PLA2R1: variants seen among roughly 807,000 people sequenced by gnomAD.
PLA2R1 encodes the protein secretory phospholipase A2 receptor.
Under a neutral mutation model 195.9 loss-of-function variants are expected in PLA2R1, and 158 were observed. The observed-to-expected ratio is 0.81, with a 90% confidence interval of 0.71 to 0.92. The LOEUF (loss-of-function observed/expected upper bound fraction) is 0.92. Among genes scored for constraint, PLA2R1 ranks in the 40% least tolerant of loss-of-function variants. PLA2R1 has a pLI of 0.00. For missense variants in PLA2R1, 1,626 were observed against 1,764.6 expected, an observed-to-expected ratio of 0.92 and a Z score of 1.41; for synonymous variants, 586 against 598.2, an observed-to-expected ratio of 0.98 and a Z score of 0.30.
At chr2:159,954,954 A>ATAG (rs898528959) in intron 23 of PLA2R1, among the ~76,000 whole-genome samples, 2 of 152,238 alleles carry the variant, frequency 1.3e-5, no homozygotes, top group Non-Finnish European at 2.9e-5. Flanking sequence ...AATATGACTA[A>ATAG]GATAGATACA....
At chr2:160,022,919 C>A (rs949393856) in intron 6 of PLA2R1, 60 bp from the exon 7 acceptor site, 36 of 1,181,820 alleles carry the variant, frequency 3.0e-5, no homozygotes, top group Non-Finnish European at 3.8e-5. Flanking sequence ...TTACTTATTA[C>A]AGCTTATGTA....
chr2:160,056,277 T>A (rs965933954), intron 1 of PLA2R1, among the ~76,000 whole-genome samples: 15 of 152,358 alleles, frequency 9.8e-5, no homozygotes, highest in African/African-American at 3.6e-4. Flanking sequence ...GTTATACATA[T>A]GTAGACCTAT....
At chr2:160,014,754 C>A (rs115264291) in intron 9 of PLA2R1, among the ~76,000 whole-genome samples, 203 of 152,272 alleles carry the variant, frequency 1.3e-3, no homozygotes, top group African/African-American at 4.7e-3. Flanking sequence ...GGAGCTCCCA[C>A]ATCCAGCCAT....
At chr2:159,930,134 C>T (rs1018498505), downstream of PLA2R1, among the ~76,000 whole-genome samples, 51 of 152,214 alleles carry the variant, frequency 3.4e-4, no homozygotes, top group African/African-American at 1.2e-3. Flanking sequence ...GGTGGCCAGG[C>T]GCGGTGGCTC....
intron 11 of PLA2R1, among the ~76,000 whole-genome samples, chr2:159,995,541 G>C (rs1192954657): frequency 6.6e-6 from 1 of 151,788 alleles, no homozygotes; most frequent in African/African-American, 2.4e-5. Flanking sequence ...TTGCAGTATA[G>C]TGTGACATGG....
intron 2 of PLA2R1, among the ~76,000 whole-genome samples, chr2:160,043,392 C>T (rs569059109): frequency 6.6e-5 from 10 of 152,132 alleles, no homozygotes; most frequent in East Asian, 1.9e-4. Flanking sequence ...TTGCAATACT[C>T]GGCCATTCTT....
At chr2:159,980,418 T>G (rs1327817440) in intron 13 of PLA2R1, among the ~76,000 whole-genome samples, 1 of 152,240 alleles carries the variant, frequency 6.6e-6, no homozygotes, top group Non-Finnish European at 1.5e-5. Flanking sequence ...GTTTGCTACT[T>G]CACTATACTA....
chr2:159,977,768 T>C, intron 14 of PLA2R1, among the ~76,000 whole-genome samples: 1 of 151,880 alleles, frequency 6.6e-6, no homozygotes, highest in East Asian at 1.9e-4. Flanking sequence ...AAACCCCATC[T>C]CTACTAAAAA....
intron 11 of PLA2R1, among the ~76,000 whole-genome samples, chr2:160,004,231 G>A (rs1306402330): frequency 6.6e-6 from 1 of 152,196 alleles, no homozygotes; most frequent in Non-Finnish European, 1.5e-5. Context: ...AAAAATACCT[G>A]CTGTTAATTG....
intron 3 of PLA2R1, among the ~76,000 whole-genome samples, chr2:160,033,661 A>G (rs893814819): frequency 2.6e-5 from 4 of 152,232 alleles, no homozygotes; most frequent in Non-Finnish European, 5.9e-5. Context: ...AAGTTCTTTC[A>G]GCCAAGAGGA....
At chr2:159,945,279 T>C (rs974504929) in intron 27 of PLA2R1, among the ~76,000 whole-genome samples, 197 bp from the exon 28 acceptor site, 1 of 152,198 alleles carries the variant, frequency 6.6e-6, no homozygotes, top group African/African-American at 2.4e-5. Context: ...ACATGTGACA[T>C]GCTGGTGCGC....
At position 159,937,978 on chromosome 2, in the gene PLA2R1, T is replaced by C. The variant is rs1024940143; in HGVS notation, c.*3800A>G. 1 of 152,252 alleles carries C rather than the reference T, an allele frequency of 6.6e-6. No homozygotes were observed. 9.4% of individuals were successfully genotyped at this position (152,252 alleles called of 1,614,324 possible). A position where few individuals can be genotyped will look rare whatever the true frequency, so the allele number is the denominator to read the frequency against. ...GAAAGCCATTTCTTTTTCTTTTTCTTTTTAAAGGTAGAGAAAGGCATTTGT... is the reference window on the plus strand; with the variant it reads ...GAAAGCCATTTCTTTTTCTTTTTCTCTTTAAAGGTAGAGAAAGGCATTTGT... On this transcript the variant is annotated 3_prime_UTR_variant, in exon 30 of 30. Coordinates refer to ENST00000283243, the MANE Select transcript of PLA2R1 (RefSeq NM_007366.5).
intron 20 of PLA2R1, among the ~76,000 whole-genome samples, chr2:159,964,668 A>T (rs111227189): frequency 2.0e-5 from 3 of 152,274 alleles, no homozygotes; most frequent in African/African-American, 7.2e-5. Flanking sequence ...CACTGAGCTC[A>T]CTGTGTCATA....
intron 11 of PLA2R1, among the ~76,000 whole-genome samples, chr2:159,995,991 A>G (rs543669346): frequency 1.3e-5 from 2 of 152,082 alleles, no homozygotes; most frequent in African/African-American, 2.4e-5. Flanking sequence ...TCTATCATCT[A>G]TCTGTCATCT....
At chr2:160,029,667 A>T (rs1693739258) in intron 4 of PLA2R1, among the ~76,000 whole-genome samples, 1 of 152,246 alleles carries the variant, frequency 6.6e-6, no homozygotes, top group Non-Finnish European at 1.5e-5. Context: ...TATCAAAATT[A>T]AAGAATTATG....
In PLA2R1 at chr2:160,032,889, G is replaced by A. The variant is rs1281771870; in HGVS notation, c.841+70C>T. The A allele has an allele frequency of 5.5e-6, 6 of 1,094,768 alleles. No individual in the cohort carries two copies. In the African/African-American group the frequency reaches 9.8e-5, roughly 18 times the overall value. The allele number at this position is 1,094,768 out of a possible 1,614,324, so 67.8% of individuals were successfully genotyped here. ...GAACTTTTTGTCAGAATATATTTTT[G>A]TATATGTGAAAACAGTTAACAACCA... On this transcript the variant is annotated intron_variant, in intron 4 of 29. Transcript: ENST00000283243.
Position 159,933,123 on chromosome 2 carries a change from C to T in PLA2R1, c.*8655G>A, listed in dbSNP as rs939688243. 1 of 151,990 alleles carries T rather than the reference C, an allele frequency of 6.6e-6. No individual in the cohort carries two copies. The highest frequency in any genetic ancestry group is 1.5e-5 in the Non-Finnish European group (1 of 67,994). The allele number at this position is 151,990 out of a possible 1,614,324, so 9.4% of individuals were successfully genotyped here. On this transcript the variant is annotated 3_prime_UTR_variant, in exon 30 of 30. Transcript: ENST00000283243. ...ACTTCATGGTGTGAAGAAAACAGCA[C>T]TTGAATGATTTTTTCCCTTAATTTG... is the stretch of plus-strand genomic sequence containing the variant.
chr2:160,007,285 G>A (rs1012091582), intron 10 of PLA2R1, among the ~76,000 whole-genome samples: 1 of 152,096 alleles, frequency 6.6e-6, no homozygotes, highest in African/African-American at 2.4e-5. Context: ...TAGTAATACC[G>A]GGTCAGGGAA....
intron 13 of PLA2R1, among the ~76,000 whole-genome samples, chr2:159,983,412 T>G (rs1690098839): frequency 6.6e-6 from 1 of 151,514 alleles, no homozygotes. Context: ...AATGAAAACT[T>G]AGGAGGTTGG....
Sources: allele counts gnomAD v4.1 joint callset (sites outside exome capture counted in the v4.1 genomes callset), GRCh38; gene constraint gnomAD v4.1.1; transcripts MANE v1.5; gene names NCBI Gene and HGNC (gene_info 2026-07-23, HGNC 2026-07-21).